The following HNRNPH1 variants were observed in gnomAD, a reference collection of about 807,000 sequenced individuals.
HNRNPH1 encodes heterogeneous nuclear ribonucleoprotein H1.
A neutral mutation model predicts 58.6 loss-of-function variants in HNRNPH1; 4 were observed. The observed-to-expected ratio is 0.07, with a 90% CI of 0.03 to 0.16. The LOEUF is 0.16. Among genes scored for constraint, HNRNPH1 ranks in the 10% least tolerant of loss-of-function variants. The pLI, the probability that HNRNPH1 is intolerant of heterozygous loss-of-function variation, is 1.00. For missense variants in HNRNPH1, 271 were observed against 564.2 expected (o/e 0.48, Z 5.26); for synonymous variants, 192 against 189.2 (o/e 1.01, Z -0.12).
chr5:179,619,166 C>A, intron 4 of HNRNPH1, 103 bp downstream of exon 5: 1 of 1,021,508 alleles, frequency 9.8e-7, no homozygotes, highest in Non-Finnish European at 1.4e-6. Flanking sequence ...CATCAATTAC[C>A]TAGGACTACA....
intron 11 of HNRNPH1, 99 bp downstream of exon 12, chr5:179,616,023 TACTC>T: frequency 2.0e-6 from 2 of 1,013,590 alleles, no homozygotes; most frequent in African/African-American, 1.6e-5. Context: ...GCCTGCGACT[TACTC>T]TAAGTACAGT....
At chr5:179,616,992 T>G (rs973421989) in intron 9 of HNRNPH1, 34 bp from the exon 11 acceptor site, 1 of 1,588,666 alleles carries the variant, frequency 6.3e-7, no homozygotes. Context: ...AAGGTTAGCT[T>G]AAAAAAAAGA....
chr5:179,619,360 C>T (rs1217885373), exon 4 of HNRNPH1: 3 of 1,613,266 alleles, frequency 1.9e-6, no homozygotes, highest in South Asian at 1.1e-5. Flanking sequence ...GTACTCCTCC[C>T]CTGGAAGTCC....
upstream of HNRNPH1, chr5:179,629,117 G>GA (rs1774628581): frequency 6.7e-6 from 1 of 149,390 alleles, no homozygotes; most frequent in Non-Finnish European, 1.5e-5. Context: ...ATAACACAGT[G>GA]AAACCCCGTC....
chr5:179,626,938 G>A (rs1006995279), upstream of HNRNPH1, among the ~76,000 whole-genome samples: 6 of 151,692 alleles, frequency 4.0e-5, no homozygotes, highest in East Asian at 2.0e-4. Flanking sequence ...CCGCCACCAC[G>A]CCCAGCTAAT....
Position 179,618,331 on chromosome 5 carries a change from A to G in HNRNPH1, c.537-8T>C. ...TTAAAGATTTCAATATACCTAAAGC[A>G]TTGTTCATAAGGAAGGGGTAGGGAG... On this transcript the variant is annotated splice_region_variant and splice_polypyrimidine_tract_variant and intron_variant, in intron 4 of 12. Transcript: ENST00000356731. 1 of 1,597,068 alleles carries G rather than the reference A, an allele frequency of 6.3e-7. No homozygotes were observed. The highest frequency in any genetic ancestry group is 8.5e-7 in the Non-Finnish European group (1 of 1,170,386).
At chr5:179,616,435 A>G in intron 10 of HNRNPH1, 1 of 571,866 alleles carries the variant, frequency 1.7e-6, no homozygotes, top group Non-Finnish European at 3.1e-6. Context: ...CGGTACACAC[A>G]TCAGCAGGAC....
chr5:179,624,438 CGG>C (rs1774142886), exon 1 of HNRNPH1: 3 of 398,110 alleles, frequency 7.5e-6, no homozygotes, highest in Non-Finnish European at 1.3e-5. Flanking sequence ...GCCTAACGGT[CGG>C]CAGGCCTTGA....
Position 179,623,180 on chromosome 5 carries a change from G to A in HNRNPH1, c.-47C>T, listed in dbSNP as rs775511317. 1.1e-5 allele frequency: 16 copies of A among 1,402,964 alleles called. No individual in the cohort carries two copies. Among genetic ancestry groups the A allele is most frequent in the Admixed American group, 3.4e-5 (2 of 58,272 alleles). 86.9% of individuals were successfully genotyped at this position (1,402,964 alleles called of 1,614,324 possible). Reference sequence around the variant, plus strand: ...TCGAAACAAACTGCAAAGCGGGGAGGACCAGAACTGAGAGCGCCAATTAAG... The same window carrying A: ...TCGAAACAAACTGCAAAGCGGGGAGAACCAGAACTGAGAGCGCCAATTAAG... On this transcript the variant is annotated 5_prime_UTR_variant, in exon 1 of 13. Transcript: ENST00000356731.
At chr5:179,631,532 G>A (rs558657112) in intron 2 of HNRNPH1, among the ~76,000 whole-genome samples, 1 of 151,990 alleles carries the variant, frequency 6.6e-6, no homozygotes, top group Non-Finnish European at 1.5e-5. Flanking sequence ...AATTACCTGA[G>A]GTCGGGAGTT....
At chr5:179,632,343 G>A (rs1774911623) in intron 2 of HNRNPH1, among the ~76,000 whole-genome samples, 2 of 151,982 alleles carry the variant, frequency 1.3e-5, no homozygotes, top group Admixed American at 1.3e-4. Flanking sequence ...AGGGCGTCTC[G>A]GTTAGAGCCC....
Position 179,617,361 on chromosome 5 carries a change from C to G in HNRNPH1, c.1057+153G>C, listed in dbSNP as rs1217260768. ...ATCCGTTATACTAATTTTTAAAACC[C>G]AAACCTTCAACACACTGCCCCCGCA... is the stretch of plus-strand genomic sequence containing the variant. On this transcript the variant is annotated intron_variant, in intron 8 of 12. Transcript: ENST00000356731. 1.2e-5 allele frequency: 11 copies of G among 948,398 alleles called. No individual in the cohort carries two copies. In the East Asian group the frequency reaches 2.5e-4, roughly 21 times the overall value. The allele number at this position is 948,398 out of a possible 1,614,324, so 58.7% of individuals were successfully genotyped here.
rs1158985464 is a variant in HNRNPH1 at position 179,615,367 on chromosome 5, C to T, written c.*179G>A. The stretch of plus-strand genomic sequence containing the variant: ...AAGGGAGCACAGGGGAAGTCTCTTG[C>T]TTTTCCTATTCATGGTGGGCAGGAA... On this transcript the variant is annotated intron_variant, in intron 12 of 12. Coordinates refer to ENST00000356731, the Ensembl canonical transcript of HNRNPH1. The T allele has an allele frequency of 7.9e-6, 4 of 504,030 alleles. No individual in the cohort carries two copies. In the East Asian group the frequency reaches 1.2e-4, roughly 16 times the overall value. The allele number at this position is 504,030 out of a possible 1,614,324, so 31.2% of individuals were successfully genotyped here. A position where few individuals can be genotyped will look rare whatever the true frequency, so the allele number is the denominator to read the frequency against.
chr5:179,617,344 T>C (rs539521797), intron 8 of HNRNPH1, 170 bp downstream of exon 9: 52 of 796,110 alleles, frequency 6.5e-5, no homozygotes, highest in Middle Eastern at 3.8e-4. Flanking sequence ...AAATCCGTTA[T>C]ACTAATTTTT....
chr5:179,619,583 A>T (rs1437722637), intron 3 of HNRNPH1, 176 bp from the exon 5 acceptor site: 2 of 542,600 alleles, frequency 3.7e-6, no homozygotes, highest in Non-Finnish European at 6.5e-6. Flanking sequence ...CATTATTATA[A>T]AGTATAACTA....
chr5:179,617,346 C>T (rs1770269215), intron 8 of HNRNPH1, 168 bp downstream of exon 9: 1 of 827,686 alleles, frequency 1.2e-6, no homozygotes, highest in South Asian at 1.7e-5. Context: ...ATCCGTTATA[C>T]TAATTTTTAA....
intron 10 of HNRNPH1, 85 bp from the exon 12 acceptor site, chr5:179,616,303 A>G: frequency 9.3e-7 from 1 of 1,071,522 alleles, no homozygotes; most frequent in Non-Finnish European, 1.5e-6. Flanking sequence ...TATAGCTATC[A>G]TTTTCCAGTC....
chr5:179,620,159 CA>C (rs1771645245), intron 3 of HNRNPH1: 1 of 152,192 alleles, frequency 6.6e-6, no homozygotes, highest in African/African-American at 2.4e-5. Context: ...ATACATATAT[CA>C]ATTTTTAACA....
chr5:179,628,746 C>T (rs1446091101), upstream of HNRNPH1, among the ~76,000 whole-genome samples: 1 of 152,116 alleles, frequency 6.6e-6, no homozygotes, highest in African/African-American at 2.4e-5. Context: ...TCCAGACTAA[C>T]CTGGCCAACA....
Sources: allele counts gnomAD v4.1 joint callset (sites outside exome capture counted in the v4.1 genomes callset), GRCh38; gene constraint gnomAD v4.1.1; transcripts MANE v1.5; gene names NCBI Gene and HGNC (gene_info 2026-07-23, HGNC 2026-07-21).